ARL15: variants seen among roughly 807,000 people sequenced by gnomAD.
ARL15 encodes ADP-ribosylation factor-like protein 15.
ARL15 carries 19 observed loss-of-function variants against 25.2 expected under a neutral mutation model. The ratio of observed to expected loss-of-function variants is 0.75; its 90% confidence interval spans 0.53 to 1.10. The LOEUF (loss-of-function observed/expected upper bound fraction) is 1.10, where lower values mean the gene tolerates loss of function less well. Ranked by LOEUF, ARL15 falls within the 50% of genes least tolerant of loss-of-function variation. The pLI is 0.00. For missense variants in ARL15, 220 were observed against 246.0 expected (o/e 0.89, Z 0.71); for synonymous variants, 94 against 86.8 (o/e 1.08, Z -0.46).
chr5:54,225,030 T>C (rs1756480469), intron 1 of ARL15, among the ~76,000 whole-genome samples: 1 of 152,168 alleles, frequency 6.6e-6, no homozygotes, highest in African/African-American at 2.4e-5. Context: ...AATTCTTAAA[T>C]TCCCTCAAGT....
At chr5:54,048,136 G>A (rs1452752428) in intron 4 of ARL15, 1 of 151,854 alleles carries the variant, frequency 6.6e-6, no homozygotes, top group Admixed American at 6.6e-5. Context: ...CCTCTCCTTA[G>A]GCAACCTGGT....
chr5:54,146,802 T>C (rs1297713871), intron 3 of ARL15, among the ~76,000 whole-genome samples: 1 of 152,184 alleles, frequency 6.6e-6, no homozygotes, highest in African/African-American at 2.4e-5. Context: ...ACATTCTACA[T>C]GTATATACAG....
At chr5:54,124,957 T>G (rs908555472) in intron 3 of ARL15, among the ~76,000 whole-genome samples, 1 of 152,184 alleles carries the variant, frequency 6.6e-6, no homozygotes. Context: ...GCCTAGTGCC[T>G]TGCTTCTAGC....
At chr5:53,995,684 T>C (rs1343982666) in intron 4 of ARL15, among the ~76,000 whole-genome samples, 1 of 152,214 alleles carries the variant, frequency 6.6e-6, no homozygotes, top group African/African-American at 2.4e-5. Flanking sequence ...AGTGTTTCAA[T>C]GAGGATGCTC....
intron 4 of ARL15, among the ~76,000 whole-genome samples, chr5:54,060,256 A>C (rs1241218922): frequency 1.3e-5 from 2 of 152,044 alleles, no homozygotes; most frequent in African/African-American, 4.8e-5. Flanking sequence ...AACATGGTGA[A>C]ACCCTGTGTC....
At chr5:54,140,571 G>A (rs1753745994) in intron 3 of ARL15, among the ~76,000 whole-genome samples, 1 of 152,108 alleles carries the variant, frequency 6.6e-6, no homozygotes, top group East Asian at 1.9e-4. Flanking sequence ...GGAGATCACT[G>A]ATGGCAAAGT....
At chr5:54,300,621 A>T (rs1244803171) in intron 1 of ARL15, among the ~76,000 whole-genome samples, 3 of 152,212 alleles carry the variant, frequency 2.0e-5, no homozygotes, top group Admixed American at 6.5e-5. Context: ...AAAACCTAAG[A>T]ATTATCCCTG....
chr5:54,299,374 G>A (rs747073436), intron 1 of ARL15, among the ~76,000 whole-genome samples: 18 of 152,096 alleles, frequency 1.2e-4, no homozygotes, highest in Non-Finnish European at 1.8e-4. Flanking sequence ...TTGCAAATGT[G>A]AGCTCAAACA....
Position 54,276,380 on chromosome 5 carries a change from G to C in ARL15, c.48+34052C>G, listed in dbSNP as rs1362405502. On this transcript the variant is annotated intron_variant, in intron 1 of 4. Coordinates refer to ENST00000504924, the MANE Select transcript of ARL15 (RefSeq NM_019087.3). ...AAATCTGCTCTTTAATTTGTTGCTA[G>C]AACCAGTATTTGCAGAGTGCAAGAC... 2.6e-5 allele frequency among the ~76,000 whole-genome samples: 4 copies of C among 152,154 alleles called. No homozygotes were observed. In the East Asian group the frequency reaches 7.7e-4, roughly 29 times the overall value.
At chr5:54,112,652 T>G (rs1232257263) in intron 4 of ARL15, among the ~76,000 whole-genome samples, 1 of 152,172 alleles carries the variant, frequency 6.6e-6, no homozygotes, top group African/African-American at 2.4e-5. Flanking sequence ...ATAGGAGAGA[T>G]ACAAGCTAAG....
At chr5:54,173,176 T>A in intron 1 of ARL15, among the ~76,000 whole-genome samples, 1 of 140,016 alleles carries the variant, frequency 7.1e-6, no homozygotes, top group Non-Finnish European at 1.5e-5. Context: ...AGAGCGAGAC[T>A]CCATCTCAGA....
At chr5:54,150,936 G>C (rs1579850637) in intron 3 of ARL15, among the ~76,000 whole-genome samples, 1 of 151,992 alleles carries the variant, frequency 6.6e-6, no homozygotes, top group East Asian at 1.9e-4. Context: ...ATAACAGGTG[G>C]GAGCACTTCT....
chr5:54,294,235 C>A (rs1758412384), intron 1 of ARL15, among the ~76,000 whole-genome samples: 1 of 152,202 alleles, frequency 6.6e-6, no homozygotes, highest in Admixed American at 6.5e-5. Flanking sequence ...GTGGGAAAAT[C>A]CAGTCCACTG....
At chr5:54,208,705 CT>C (rs1216068753) in intron 1 of ARL15, among the ~76,000 whole-genome samples, 8 of 152,132 alleles carry the variant, frequency 5.3e-5, no homozygotes, top group African/African-American at 1.9e-4. Context: ...AAAAAACCGA[CT>C]TCCCATGAAC....
At chr5:54,095,053 C>T (rs1752243732) in intron 4 of ARL15, among the ~76,000 whole-genome samples, 2 of 152,128 alleles carry the variant, frequency 1.3e-5, no homozygotes, top group African/African-American at 2.4e-5. Flanking sequence ...TTTTCTAATG[C>T]CTCTGTCCTT....
intron 4 of ARL15, among the ~76,000 whole-genome samples, chr5:53,966,902 G>A (rs1393286879): frequency 6.6e-6 from 1 of 152,092 alleles, no homozygotes; most frequent in Non-Finnish European, 1.5e-5. Context: ...TATGAATAAG[G>A]CTTTGATTAT....
At position 54,218,574 on chromosome 5, in the gene ARL15, C is replaced by A. The variant is rs75215306; in HGVS notation, c.49-46646G>T. Among the ~76,000 whole-genome samples the A allele has an allele frequency of 2.1e-3, 318 of 152,192 alleles. 2 individuals carry two copies. Among genetic ancestry groups the A allele is most frequent in the African/African-American group, 7.3e-3 (303 of 41,526 alleles). ...ACTTTATTTGGGGTCACTGTGGGTC[C>A]AAGTCTGGCACTGGATTCCCGCGGT... On this transcript the variant is annotated intron_variant, in intron 1 of 4. Transcript: ENST00000504924.
At chr5:54,109,770 T>C (rs904647166) in intron 4 of ARL15, among the ~76,000 whole-genome samples, 3 of 151,958 alleles carry the variant, frequency 2.0e-5, no homozygotes, top group African/African-American at 4.8e-5. Context: ...CTTGACATAA[T>C]AATAAATTTT....
At chr5:54,185,111 G>C (rs1029367042) in intron 1 of ARL15, among the ~76,000 whole-genome samples, 10 of 151,974 alleles carry the variant, frequency 6.6e-5, no homozygotes, top group African/African-American at 2.4e-4. Flanking sequence ...GCTAAAACAT[G>C]GTTTGACACA....
Sources: gnomAD v4.1 joint callset for allele counts (sites outside exome capture counted in the v4.1 genomes callset) on GRCh38, gnomAD v4.1.1 for gene constraint, MANE v1.5 for transcripts, NCBI Gene and HGNC (gene_info 2026-07-23, HGNC 2026-07-21) for gene names.